IL20RB: variants seen among roughly 807,000 people sequenced by gnomAD.
IL20RB encodes interleukin 20 receptor subunit beta.
Under a neutral mutation model 33.3 loss-of-function variants are expected in IL20RB, and 21 were observed. The ratio of observed to expected loss-of-function variants is 0.63; its 90% CI spans 0.45 to 0.91. IL20RB has a LOEUF of 0.91. IL20RB is among the 40% of genes least tolerant of loss of function. The pLI, the probability that IL20RB is intolerant of heterozygous loss-of-function variation, is 0.00. For missense variants in IL20RB, 345 were observed against 384.8 expected (o/e 0.90, Z 0.86); for synonymous variants, 147 against 146.8 (o/e 1.00, Z -0.01).
At chr3:136,967,204 C>G (rs1370150566) in intron 1 of IL20RB, among the ~76,000 whole-genome samples, 1 of 151,848 alleles carries the variant, frequency 6.6e-6, no homozygotes, top group Non-Finnish European at 1.5e-5. Flanking sequence ...CTGTAGATTT[C>G]TATTAGGTCT....
At chr3:136,964,460 C>T (rs1483234327) in intron 1 of IL20RB, among the ~76,000 whole-genome samples, 2 of 80,506 alleles carry the variant, frequency 2.5e-5, no homozygotes, top group African/African-American at 5.4e-5. Context: ...ATGAGCATTT[C>T]TTCATGTGTT....
At chr3:137,001,949 G>A (rs564639792) in intron 6 of IL20RB, among the ~76,000 whole-genome samples, 4 of 152,032 alleles carry the variant, frequency 2.6e-5, no homozygotes, top group East Asian at 3.9e-4. Flanking sequence ...GACAGGCCCC[G>A]GTGTGTGATG....
intron 3 of IL20RB, among the ~76,000 whole-genome samples, chr3:136,984,400 TG>T (rs1454220012): frequency 2.6e-5 from 4 of 151,718 alleles, no homozygotes; most frequent in African/African-American, 9.7e-5. Context: ...GAGGATTGCA[TG>T]GAGGTAGGAA....
intron 5 of IL20RB, 33 bp from the exon 6 acceptor site, chr3:136,995,380 GT>G (rs1464836935): frequency 6.2e-7 from 1 of 1,610,330 alleles, no homozygotes; most frequent in African/African-American, 1.3e-5. Context: ...CTTTGCTGCT[GT>G]TTTCTAAGCC....
chr3:136,999,984 C>T (rs1280166537), intron 6 of IL20RB, among the ~76,000 whole-genome samples: 1 of 152,136 alleles, frequency 6.6e-6, no homozygotes, highest in Non-Finnish European at 1.5e-5. Flanking sequence ...TGGGTCATGT[C>T]AAGGTTGGCC....
At chr3:137,005,947 T>C (rs543696528) in intron 6 of IL20RB, among the ~76,000 whole-genome samples, 1 of 152,248 alleles carries the variant, frequency 6.6e-6, no homozygotes, top group Non-Finnish European at 1.5e-5. Context: ...GGAGCTGTTG[T>C]AAGGCAGGCC....
intron 3 of IL20RB, among the ~76,000 whole-genome samples, chr3:136,989,109 T>A (rs560654089): frequency 4.7e-4 from 71 of 152,312 alleles, no homozygotes; most frequent in Middle Eastern, 6.8e-3. Flanking sequence ...GAGCAAGAGA[T>A]AATGTTTACT....
chr3:136,991,880 G>T (rs1402777818), intron 4 of IL20RB, 58 bp from the exon 5 acceptor site: 1 of 1,583,346 alleles, frequency 6.3e-7, no homozygotes, highest in Non-Finnish European at 8.6e-7. Context: ...AAAGTGCTGG[G>T]ATTATAGGCG....
Position 136,958,911 on chromosome 3 carries a change from T to TTCTCTCTCTCTC in IL20RB, c.88+720_88+731dup, listed in dbSNP as rs3077025. Among the ~76,000 whole-genome samples, 217 of 150,106 alleles carry TTCTCTCTCTCTC rather than the reference T, an allele frequency of 1.4e-3. 2 individuals carry two copies. The highest frequency in any genetic ancestry group is 5.0e-3 in the African/African-American group (205 of 40,942). On this transcript the variant is annotated intron_variant, in intron 1 of 6. Transcript: ENST00000329582. ...AGTGTTGATGGGAGCCTTGAGTACT[T>TTCTCTCTCTCTC]TCTCTCTCTCTCTCTCTCTCTGTCT...
chr3:137,000,333 G>T (rs907366714), intron 6 of IL20RB, among the ~76,000 whole-genome samples: 1 of 152,198 alleles, frequency 6.6e-6, no homozygotes, highest in Non-Finnish European at 1.5e-5. Flanking sequence ...GTACAGAATT[G>T]CAGCTCCCCT....
At chr3:137,009,879 C>G (rs1477787417) in intron 6 of IL20RB, among the ~76,000 whole-genome samples, 1 of 151,726 alleles carries the variant, frequency 6.6e-6, no homozygotes, top group African/African-American at 2.4e-5. Context: ...GGGGCAGGGT[C>G]TTAGAATGAG....
chr3:136,974,667 C>G (rs1941573475), intron 1 of IL20RB, among the ~76,000 whole-genome samples: 1 of 152,192 alleles, frequency 6.6e-6, no homozygotes, highest in South Asian at 2.1e-4. Context: ...AAATATCTTG[C>G]TAGACATAGG....
chr3:136,994,505 A>G (rs926686449), intron 5 of IL20RB, among the ~76,000 whole-genome samples: 1 of 152,214 alleles, frequency 6.6e-6, no homozygotes, highest in African/African-American at 2.4e-5. Context: ...AATATTTTCC[A>G]AAATCATGGA....
At chr3:136,974,159 G>A (rs1185764584) in intron 1 of IL20RB, among the ~76,000 whole-genome samples, 1 of 151,514 alleles carries the variant, frequency 6.6e-6, no homozygotes, top group Non-Finnish European at 1.5e-5. Flanking sequence ...ATTGTTCATT[G>A]TGTTTTAGTG....
intron 3 of IL20RB, 45 bp from the exon 4 acceptor site, chr3:136,989,396 C>T: frequency 1.2e-6 from 2 of 1,609,992 alleles, no homozygotes; most frequent in Non-Finnish European, 1.7e-6. Context: ...GGGAAATCAA[C>T]CCTGTCTGGG....
At chr3:136,962,419 T>G (rs1317991007) in intron 1 of IL20RB, among the ~76,000 whole-genome samples, 1 of 152,038 alleles carries the variant, frequency 6.6e-6, no homozygotes, top group Admixed American at 6.6e-5. Flanking sequence ...AAAACCAAAC[T>G]GAGATACGTT....
chr3:136,969,941 C>A (rs1175607365), intron 1 of IL20RB, among the ~76,000 whole-genome samples: 1 of 151,984 alleles, frequency 6.6e-6, no homozygotes, highest in South Asian at 2.1e-4. Context: ...AGATTTTCTC[C>A]TGTTTTTTCC....
chr3:136,986,595 T>A (rs2108204283), intron 3 of IL20RB: 1 of 443,182 alleles, frequency 2.3e-6, no homozygotes, highest in African/African-American at 2.0e-5. Context: ...CAAGTCCTCC[T>A]GACCCCTGTC....
chr3:136,990,001 G>A (rs1015207951), intron 4 of IL20RB, among the ~76,000 whole-genome samples: 2 of 152,074 alleles, frequency 1.3e-5, no homozygotes, highest in Non-Finnish European at 2.9e-5. Flanking sequence ...GGGTGAAGAG[G>A]TAGAGGCAGG....
Sources: gnomAD v4.1 joint callset for allele counts (sites outside exome capture counted in the v4.1 genomes callset) on GRCh38, gnomAD v4.1.1 for gene constraint, MANE v1.5 for transcripts, NCBI Gene and HGNC (gene_info 2026-07-23, HGNC 2026-07-21) for gene names.